The following NDUFAF7 variants were observed in gnomAD, a reference collection of about 807,000 sequenced individuals.
NDUFAF7 encodes protein arginine methyltransferase NDUFAF7, mitochondrial.
Under a neutral mutation model 47.2 loss-of-function variants are expected in NDUFAF7, and 48 were observed. The observed-to-expected ratio is 1.02, with a 90% CI of 0.81 to 1.29. The LOEUF (loss-of-function observed/expected upper bound fraction) is 1.29, where lower values mean the gene tolerates loss of function less well. Among genes scored for constraint, NDUFAF7 ranks in the 50% most tolerant of loss-of-function variants. The probability of loss-of-function intolerance (pLI) is 0.00; values close to 1 mark genes in which losing one functional copy is unlikely to be tolerated. For missense variants in NDUFAF7, 635 were observed against 537.6 expected, an observed-to-expected ratio of 1.18 and a Z score of -1.79; for synonymous variants, 217 against 190.0, an observed-to-expected ratio of 1.14 and a Z score of -1.17.
chr2:37,246,320 T>C lies in NDUFAF7; in HGVS notation c.936+125T>C. On this transcript the variant is annotated intron_variant, in intron 8 of 9. Transcript: ENST00000002125. ...ACATTATTTTATAGTTAACATTAAT[T>C]CATGTTATTGTAATTCCCCTTAACC... 3.5e-6 allele frequency: 4 copies of C among 1,151,860 alleles called. No homozygotes were observed. In the South Asian group the frequency reaches 5.3e-5, roughly 15 times the overall value. 71.4% of individuals were successfully genotyped at this position (1,151,860 alleles called of 1,614,324 possible). A position where few individuals can be genotyped will look rare whatever the true frequency, so the allele number is the denominator to read the frequency against.
downstream of NDUFAF7, chr2:37,256,817 T>C: frequency 6.2e-7 from 1 of 1,614,016 alleles, no homozygotes; most frequent in Non-Finnish European, 8.5e-7. Context: ...GGAACGGTTG[T>C]AACCTTTGCT....
chr2:37,254,725 C>T (rs1258441324), downstream of NDUFAF7, among the ~76,000 whole-genome samples: 3 of 152,170 alleles, frequency 2.0e-5, no homozygotes, highest in Non-Finnish European at 4.4e-5. Context: ...AACAGACTCT[C>T]TGATCCTCCC....
intron 1 of NDUFAF7, 151 bp downstream of exon 1, chr2:37,231,911 A>G (rs1665180277): frequency 2.5e-5 from 40 of 1,589,900 alleles, no homozygotes; most frequent in Non-Finnish European, 3.2e-5. Flanking sequence ...TCCGGTACAA[A>G]CGCAATAGGG....
intron 1 of NDUFAF7, 83 bp from the exon 2 acceptor site, chr2:37,232,023 G>C: frequency 1.2e-6 from 2 of 1,609,640 alleles, no homozygotes; most frequent in Non-Finnish European, 1.7e-6. Flanking sequence ...GGTTCACGAA[G>C]CTGTTTTGAA....
At chr2:37,243,626 C>T (rs904433405) in intron 6 of NDUFAF7, among the ~76,000 whole-genome samples, 1 of 152,120 alleles carries the variant, frequency 6.6e-6, no homozygotes, top group African/African-American at 2.4e-5. Flanking sequence ...TTTTGGGGTA[C>T]TTTCCATGCT....
At chr2:37,263,147 C>G in the NDUFAF7 span, among the ~76,000 whole-genome samples, 1 of 151,950 alleles carries the variant, frequency 6.6e-6, no homozygotes, top group Non-Finnish European at 1.5e-5. Context: ...TATTTTCATT[C>G]TTTCTTGCTT....
chr2:37,249,006 T>C lies in NDUFAF7; in HGVS notation c.*656T>C, dbSNP rs1667231469. The stretch of plus-strand genomic sequence containing the variant: ...CACAGGAAACTGATAAGATATATGT[T>C]ATTTTTTTAAATGAGCTAGGGCAAT... On this transcript the variant is annotated 3_prime_UTR_variant, in exon 10 of 10. Transcript: ENST00000002125. 6.6e-6 allele frequency: 1 copy of C among 152,598 alleles called. No individual in the cohort carries two copies. The allele number at this position is 152,598 out of a possible 1,614,324, so 9.5% of individuals were successfully genotyped here. A position where few individuals can be genotyped will look rare whatever the true frequency, so the allele number is the denominator to read the frequency against.
intron 2 of NDUFAF7, among the ~76,000 whole-genome samples, chr2:37,233,851 T>C (rs1479455793): frequency 2.0e-5 from 3 of 152,122 alleles, no homozygotes; most frequent in African/African-American, 7.2e-5. Flanking sequence ...TGAAGCTGGA[T>C]GGAAAAAATA....
chr2:37,259,492 A>T, the NDUFAF7 span: 1 of 887,022 alleles, frequency 1.1e-6, no homozygotes, highest in Non-Finnish European at 1.7e-6. Flanking sequence ...ATGCATTTTT[A>T]ACCAACAGTA....
downstream of NDUFAF7, chr2:37,250,987 A>G (rs1310786116): frequency 1.3e-5 from 2 of 152,662 alleles, no homozygotes; most frequent in Admixed American, 6.5e-5. Context: ...ACAAATACAA[A>G]GAGTGCAATT....
downstream of NDUFAF7, among the ~76,000 whole-genome samples, chr2:37,249,643 GACACACACACACACACACACAC>G (rs56208997): frequency 7.5e-6 from 1 of 132,524 alleles, no homozygotes; most frequent in Non-Finnish European, 1.6e-5. Context: ...CTGTGATAGA[GACACACACACACACACACACAC>G]ACACACACAC....
At chr2:37,270,116 A>G in the NDUFAF7 span, among the ~76,000 whole-genome samples, 2 of 151,934 alleles carry the variant, frequency 1.3e-5, no homozygotes, top group African/African-American at 4.8e-5. Context: ...AATCCTAGCT[A>G]CTCGGGAGGC....
At chr2:37,247,781 T>G (rs1388938448) in intron 9 of NDUFAF7, 152 bp downstream of exon 9, 6 of 961,916 alleles carry the variant, frequency 6.2e-6, no homozygotes, top group Non-Finnish European at 7.9e-6. Flanking sequence ...TAGTAACTAG[T>G]CTGGTAAGTT....
downstream of NDUFAF7, chr2:37,256,831 G>C: frequency 4.3e-6 from 7 of 1,613,876 alleles, no homozygotes; most frequent in Non-Finnish European, 5.9e-6. Flanking sequence ...CTTTGCTCCG[G>C]AGAACTTCAG....
chr2:37,269,517 G>A, the NDUFAF7 span: 2 of 1,079,340 alleles, frequency 1.9e-6, no homozygotes, highest in East Asian at 2.4e-5. Context: ...AAAAGGCACT[G>A]GACAAAACTA....
At chr2:37,247,050 C>CTAGTAGTCTCCAGT (rs1667002809) in intron 8 of NDUFAF7, among the ~76,000 whole-genome samples, 1 of 152,066 alleles carries the variant, frequency 6.6e-6, no homozygotes, top group Non-Finnish European at 1.5e-5. Context: ...TTCCCCTCCT[C>CTAGTAGTCTCCAGT]CTGTCTCCCC....
chr2:37,235,775 C>T (rs993430956), intron 2 of NDUFAF7, among the ~76,000 whole-genome samples: 1 of 152,060 alleles, frequency 6.6e-6, no homozygotes, highest in African/African-American at 2.4e-5. Context: ...CTGCCTCAGC[C>T]TCCCAAATAG....
At chr2:37,246,541 C>G (rs1375619465) in intron 8 of NDUFAF7, among the ~76,000 whole-genome samples, 1 of 152,150 alleles carries the variant, frequency 6.6e-6, no homozygotes, top group Non-Finnish European at 1.5e-5. Context: ...AATTTTGGTA[C>G]TTCTTTACAG....
chr2:37,256,781 A>G (rs1381063960), downstream of NDUFAF7: 2 of 1,613,834 alleles, frequency 1.2e-6, no homozygotes, highest in Admixed American at 1.7e-5. Context: ...CACATAGATG[A>G]TAACTCCCAC....
Sources: gnomAD v4.1 joint callset for allele counts (sites outside exome capture counted in the v4.1 genomes callset) on GRCh38, gnomAD v4.1.1 for gene constraint, MANE v1.5 for transcripts, NCBI Gene and HGNC (gene_info 2026-07-23, HGNC 2026-07-21) for gene names.